The following SUPT3H variants were observed in gnomAD, a reference collection of about 807,000 sequenced individuals.
SUPT3H encodes SPT3 homolog, SAGA and STAGA complex component, also known as transcription initiation protein SPT3 homolog.
In SUPT3H, 44 loss-of-function variants were observed where a neutral mutation model predicts 44.3. The ratio of observed to expected loss-of-function variants is 0.99; its 90% CI spans 0.78 to 1.28. SUPT3H has a LOEUF of 1.28. SUPT3H is among the 50% of genes most tolerant of loss of function. The pLI is 0.00. For missense variants in SUPT3H, 380 were observed against 387.1 expected, an observed-to-expected ratio of 0.98 and a Z score of 0.15; for synonymous variants, 124 against 125.6, an observed-to-expected ratio of 0.99 and a Z score of 0.09.
Position 45,281,162 on chromosome 6 carries a change from T to C in SUPT3H, c.101+84039A>G, listed in dbSNP as rs1173286708. Among the ~76,000 whole-genome samples, 17 of 152,312 alleles carry C rather than the reference T, an allele frequency of 1.1e-4. No individual in the cohort carries two copies. The South Asian group carries it at 3.1e-3, about 28-fold the overall frequency. ...CAGCTCCAGTCTACAGCTCCCAGCA[T>C]GAGCAATGCAGAAGACGGGTGATTT... On this transcript the variant is annotated intron_variant, in intron 2 of 10. Transcript: ENST00000371459.
At chr6:45,020,473 ATATATAGT>A in intron 4 of SUPT3H, 65 bp downstream of exon 4, 1 of 1,114,034 alleles carries the variant, frequency 9.0e-7, no homozygotes, top group Non-Finnish European at 1.3e-6. Context: ...CATAACAAGG[ATATATAGT>A]TTCCACATGC....
At chr6:45,239,230 C>T (rs1292745863) in intron 2 of SUPT3H, among the ~76,000 whole-genome samples, 1 of 152,224 alleles carries the variant, frequency 6.6e-6, no homozygotes, top group East Asian at 1.9e-4. Flanking sequence ...ATTTACCCAA[C>T]TGCAAACAGC....
chr6:45,228,351 T>A (rs752352868), intron 2 of SUPT3H, among the ~76,000 whole-genome samples: 1 of 152,178 alleles, frequency 6.6e-6, no homozygotes, highest in South Asian at 2.1e-4. Flanking sequence ...AAGGCCTTAA[T>A]AGAGCAAAAG....
At chr6:45,366,116 C>T (rs979351935) in intron 1 of SUPT3H, among the ~76,000 whole-genome samples, 6 of 152,084 alleles carry the variant, frequency 3.9e-5, no homozygotes, top group Non-Finnish European at 8.8e-5. Flanking sequence ...GCTCAATAAA[C>T]ATTAGTTATT....
At chr6:44,901,854 G>C (rs1180474117) in intron 10 of SUPT3H, among the ~76,000 whole-genome samples, 1 of 151,808 alleles carries the variant, frequency 6.6e-6, no homozygotes, top group African/African-American at 2.4e-5. Flanking sequence ...CCAGAAGAGA[G>C]TGGGGGCTAA....
chr6:44,839,951 T>C (rs113874286), intron 10 of SUPT3H, among the ~76,000 whole-genome samples: 4,576 of 150,036 alleles, frequency 0.03, 196 homozygotes, highest in South Asian at 0.18. Context: ...CCGCCCGCCT[T>C]GGCCTCCCAA....
intron 2 of SUPT3H, among the ~76,000 whole-genome samples, chr6:45,347,887 CAG>C (rs1220259667): frequency 6.6e-6 from 1 of 151,824 alleles, no homozygotes; most frequent in Admixed American, 6.6e-5. Flanking sequence ...AATAATGAAA[CAG>C]AATGTCAGTA....
chr6:45,290,173 C>G (rs1218029931), intron 2 of SUPT3H, among the ~76,000 whole-genome samples: 2 of 151,758 alleles, frequency 1.3e-5, no homozygotes, highest in Non-Finnish European at 2.9e-5. Flanking sequence ...GAGTGAGACC[C>G]CGTCTCAAAA....
chr6:45,333,076 C>T (rs1193642339), intron 2 of SUPT3H, among the ~76,000 whole-genome samples: 2 of 151,630 alleles, frequency 1.3e-5, no homozygotes, highest in Non-Finnish European at 3.0e-5. Flanking sequence ...CTGTCTAAAG[C>T]ATGTGAAAAT....
rs561375742 is a variant in SUPT3H, at chr6:45,277,451, T to G, written c.101+87750A>C. Among the ~76,000 whole-genome samples, 16 of 152,238 alleles carry G rather than the reference T, an allele frequency of 1.1e-4. No individual in the cohort carries two copies. In the East Asian group the frequency reaches 2.9e-3, roughly 28 times the overall value. On this transcript the variant is annotated intron_variant, in intron 2 of 10. Coordinates refer to ENST00000371459, the MANE Select transcript of SUPT3H (RefSeq NM_003599.4). ...TTTTTTTTGTACCAGTGAAAATAGATGACAATCAGTGGGATGGATACAATC... is the reference window on the plus strand; with the variant it reads ...TTTTTTTTGTACCAGTGAAAATAGAGGACAATCAGTGGGATGGATACAATC...
chr6:44,829,884 G>C, intron 10 of SUPT3H, 27 bp from the exon 11 acceptor site: 1 of 1,611,260 alleles, frequency 6.2e-7, no homozygotes, highest in Non-Finnish European at 8.5e-7. Context: ...AATCTGCAAT[G>C]AATTATCACA....
rs528824895 is a variant in SUPT3H at position 44,815,123 on chromosome 6, G to A, written c.*53-5622C>T. ...ATGTGTGTATTAAAATGTCAGTCAC[G>A]TGTAGTCTCAACGTTAAAGGACTAT... On this transcript the variant is annotated intron_variant and NMD_transcript_variant, in intron 11 of 11. Transcript: ENST00000475057. Among the ~76,000 whole-genome samples, 298 of 152,220 alleles carry A rather than the reference G, an allele frequency of 2.0e-3. 1 individual carries two copies. The highest frequency in any genetic ancestry group is 6.6e-3 in the African/African-American group (273 of 41,546).
At chr6:44,895,524 A>G (rs1763999665) in intron 10 of SUPT3H, among the ~76,000 whole-genome samples, 1 of 152,176 alleles carries the variant, frequency 6.6e-6, no homozygotes, top group Non-Finnish European at 1.5e-5. Context: ...GTTTTGAGAG[A>G]CAGTCTCTGA....
At chr6:45,019,773 C>T (rs2153517267) in intron 4 of SUPT3H, among the ~76,000 whole-genome samples, 1 of 152,050 alleles carries the variant, frequency 6.6e-6, no homozygotes, top group East Asian at 1.9e-4. Flanking sequence ...AATCATACAA[C>T]CTTGAAGTTT....
At chr6:45,044,403 T>C (rs1375323471) in intron 3 of SUPT3H, among the ~76,000 whole-genome samples, 2 of 152,176 alleles carry the variant, frequency 1.3e-5, no homozygotes, top group East Asian at 3.9e-4. Context: ...GTTCTCAGGG[T>C]ATCTACAGCA....
intron 11 of SUPT3H, among the ~76,000 whole-genome samples, chr6:44,813,714 A>T (rs1307572226): frequency 2.6e-5 from 4 of 151,944 alleles, no homozygotes; most frequent in East Asian, 1.9e-4. Flanking sequence ...AATAAAAAAA[A>T]TTTAAGAATT....
At chr6:44,818,755 A>G (rs1201994738) in intron 11 of SUPT3H, among the ~76,000 whole-genome samples, 1 of 152,180 alleles carries the variant, frequency 6.6e-6, no homozygotes, top group African/African-American at 2.4e-5. Flanking sequence ...AGATATCACT[A>G]TGCACCTACT....
intron 3 of SUPT3H, among the ~76,000 whole-genome samples, chr6:45,046,010 G>C (rs1172956122): frequency 6.6e-6 from 1 of 152,126 alleles, no homozygotes; most frequent in Non-Finnish European, 1.5e-5. Flanking sequence ...GATATTTGGT[G>C]AAAGGGGCAT....
At chr6:45,110,092 TG>T (rs752585908) in intron 2 of SUPT3H, among the ~76,000 whole-genome samples, 33 of 152,310 alleles carry the variant, frequency 2.2e-4, no homozygotes, top group Non-Finnish European at 4.3e-4. Context: ...GGAAGGACTG[TG>T]ACTCTGACAG....
Sources: gnomAD v4.1 joint callset for allele counts (sites outside exome capture counted in the v4.1 genomes callset) on GRCh38, gnomAD v4.1.1 for gene constraint, MANE v1.5 for transcripts, NCBI Gene and HGNC (gene_info 2026-07-23, HGNC 2026-07-21) for gene names.